Variants in RNF38 observed in about 807,000 individuals in gnomAD.
The protein encoded by RNF38 is ring finger protein 38.
In RNF38, 15 loss-of-function variants were observed where a neutral mutation model predicts 67.2. The ratio of observed to expected loss-of-function variants is 0.22; its 90% CI spans 0.15 to 0.34. RNF38 has a LOEUF of 0.34. Among genes scored for constraint, RNF38 ranks in the 10% least tolerant of loss-of-function variants. RNF38 has a pLI of 1.00. For missense variants in RNF38, 524 were observed against 639.9 expected, an observed-to-expected ratio of 0.82 and a Z score of 1.95; for synonymous variants, 220 against 218.8, an observed-to-expected ratio of 1.01 and a Z score of -0.05.
intron 3 of RNF38, chr9:36,372,403 T>C (rs562887482): frequency 7.8e-5 from 46 of 590,962 alleles, no homozygotes; most frequent in African/African-American, 7.4e-4. Flanking sequence ...TTAATGGCCC[T>C]GTTTATTCAC....
intron 2 of RNF38, among the ~76,000 whole-genome samples, chr9:36,408,749 G>A (rs1838244967): frequency 6.6e-6 from 1 of 152,086 alleles, no homozygotes; most frequent in Non-Finnish European, 1.5e-5. Context: ...AGGAAAGCCA[G>A]ACAAACTGTT....
chr9:36,448,024 T>C (rs533513375), intron 1 of RNF38, among the ~76,000 whole-genome samples: 6 of 152,326 alleles, frequency 3.9e-5, no homozygotes, highest in African/African-American at 1.2e-4. Context: ...AGCTCTGCAG[T>C]GCTGAAAAGA....
intron 1 of RNF38, among the ~76,000 whole-genome samples, chr9:36,438,066 C>T (rs1248761683): frequency 6.6e-6 from 1 of 152,104 alleles, no homozygotes; most frequent in East Asian, 1.9e-4. Flanking sequence ...CTCAGCCTCT[C>T]GAGTAGCTGG....
At chr9:36,392,279 C>G (rs1837171430) in intron 1 of RNF38, among the ~76,000 whole-genome samples, 1 of 152,170 alleles carries the variant, frequency 6.6e-6, no homozygotes, top group Non-Finnish European at 1.5e-5. Flanking sequence ...AAACAAAGCA[C>G]TTGAAAGCAG....
intron 4 of RNF38, among the ~76,000 whole-genome samples, chr9:36,359,679 T>C (rs1432878494): frequency 2.0e-5 from 3 of 152,170 alleles, no homozygotes; most frequent in Non-Finnish European, 4.4e-5. Context: ...CCAAAACCCA[T>C]TAGTATTAAG....
In RNF38 at chr9:36,389,676, A is replaced by G. The variant is rs182225795; in HGVS notation, c.162+791T>C. Among the ~76,000 whole-genome samples, 21 of 152,304 alleles carry G rather than the reference A, an allele frequency of 1.4e-4. No individual in the cohort carries two copies. In the East Asian group the frequency reaches 4.0e-3, roughly 29 times the overall value. Reference sequence around the variant, plus strand: ...CTCCAAATTTTTTATCTCCAACTTTATGTGTCACAAGCATTTCACTTTCAT... The same window carrying G: ...CTCCAAATTTTTTATCTCCAACTTTGTGTGTCACAAGCATTTCACTTTCAT... On this transcript the variant is annotated intron_variant, in intron 2 of 11. Coordinates refer to ENST00000259605, the MANE Select transcript of RNF38 (RefSeq NM_022781.5).
chr9:36,344,436 C>A (rs1833068573), intron 10 of RNF38, among the ~76,000 whole-genome samples: 1 of 152,176 alleles, frequency 6.6e-6, no homozygotes, highest in African/African-American at 2.4e-5. Context: ...ACTTTATGTG[C>A]ATGAATTTTC....
upstream of RNF38, chr9:36,400,561 G>A (rs375041022): frequency 4.0e-6 from 4 of 987,890 alleles, no homozygotes; most frequent in African/African-American, 1.7e-5. Flanking sequence ...TACCTGCGAG[G>A]GGAGGCTCCG....
intron 2 of RNF38, among the ~76,000 whole-genome samples, chr9:36,407,579 A>G (rs944879811): frequency 1.1e-4 from 16 of 152,188 alleles, no homozygotes; most frequent in Non-Finnish European, 1.9e-4. Flanking sequence ...ACATCACAGC[A>G]TATTCAACCT....
intron 9 of RNF38, among the ~76,000 whole-genome samples, chr9:36,345,447 C>T (rs1205385030): frequency 1.3e-5 from 2 of 152,096 alleles, no homozygotes; most frequent in African/African-American, 4.8e-5. Flanking sequence ...TCGGGGCTGG[C>T]CTGGGGACTA....
intron 1 of RNF38, among the ~76,000 whole-genome samples, chr9:36,456,514 G>C (rs1839599572): frequency 6.6e-6 from 1 of 150,604 alleles, no homozygotes; most frequent in African/African-American, 2.4e-5. Context: ...TGATGCTATA[G>C]AATCTGGAAA....
chr9:36,408,196 G>A (rs908957817), intron 2 of RNF38, among the ~76,000 whole-genome samples: 3 of 151,918 alleles, frequency 2.0e-5, no homozygotes, highest in African/African-American at 7.3e-5. Flanking sequence ...ATTCCTGGGG[G>A]CTCAAGTGAT....
intron 1 of RNF38, among the ~76,000 whole-genome samples, chr9:36,428,454 C>CATATACATAT (rs1838845930): frequency 6.8e-6 from 1 of 146,128 alleles, no homozygotes; most frequent in African/African-American, 2.6e-5. Context: ...CTATTGTTTA[C>CATATACATAT]ATATATATAT....
intron 11 of RNF38, among the ~76,000 whole-genome samples, chr9:36,340,552 T>C (rs1048432882): frequency 4.6e-5 from 7 of 151,522 alleles, no homozygotes; most frequent in African/African-American, 1.5e-4. Context: ...ACCCAACCAA[T>C]TTAAAAGACG....
chr9:36,442,577 C>T (rs1191074497), intron 1 of RNF38, among the ~76,000 whole-genome samples: 4 of 152,084 alleles, frequency 2.6e-5, no homozygotes, highest in African/African-American at 9.7e-5. Flanking sequence ...GTCAGGAGAT[C>T]GAGACCATCC....
intron 10 of RNF38, among the ~76,000 whole-genome samples, chr9:36,342,825 T>G (rs574942834): frequency 6.6e-6 from 1 of 152,234 alleles, no homozygotes; most frequent in African/African-American, 2.4e-5. Flanking sequence ...CACAGTAAAT[T>G]TTCATGACCT....
At position 36,393,956 on chromosome 9, in the gene RNF38, G is replaced by C. The variant is rs1038406981; in HGVS notation, c.13-3340C>G. On this transcript the variant is annotated intron_variant, in intron 1 of 11. Coordinates refer to ENST00000259605, the MANE Select transcript of RNF38 (RefSeq NM_022781.5). The stretch of plus-strand genomic sequence containing the variant: ...TAATCACAAGAACCACATTCTACCA[G>C]TGAACTTGGAAGGAGACACGGATGA... 1.4e-4 allele frequency among the ~76,000 whole-genome samples: 21 copies of C among 152,270 alleles called. 1 individual carries two copies. Among genetic ancestry groups the C allele is most frequent in the South Asian group, 4.1e-4 (2 of 4,828 alleles).
At chr9:36,448,088 G>A (rs999566721) in intron 1 of RNF38, among the ~76,000 whole-genome samples, 2 of 152,164 alleles carry the variant, frequency 1.3e-5, no homozygotes, top group Non-Finnish European at 1.5e-5. Flanking sequence ...AAGGGGAGGT[G>A]ACTTACCCAA....
chr9:36,337,128 T>A lies in RNF38; in HGVS notation c.*2624A>T, dbSNP rs766155511. 1 of 152,238 alleles carries A rather than the reference T, an allele frequency of 6.6e-6. No individual in the cohort carries two copies. Among genetic ancestry groups the A allele is most frequent in the African/African-American group, 2.4e-5 (1 of 41,460 alleles). 9.4% of individuals were successfully genotyped at this position (152,238 alleles called of 1,614,324 possible). A position where few individuals can be genotyped will look rare whatever the true frequency, so the allele number is the denominator to read the frequency against. ...CCAATGAACCAACATCTGCCTGCTA[T>A]CTGGTGCATCACCCAAGGTGACCAA... On this transcript the variant is annotated 3_prime_UTR_variant, in exon 12 of 12. Transcript: ENST00000259605.
Sources: gnomAD v4.1 joint callset for allele counts (sites outside exome capture counted in the v4.1 genomes callset) on GRCh38, gnomAD v4.1.1 for gene constraint, MANE v1.5 for transcripts, NCBI Gene and HGNC (gene_info 2026-07-23, HGNC 2026-07-21) for gene names.